Variants in HEATR4 observed in about 807,000 individuals in gnomAD.
The protein encoded by HEATR4 is HEAT repeat-containing protein 4.
A neutral mutation model predicts 108.8 loss-of-function variants in HEATR4; 95 were observed. The ratio of observed to expected loss-of-function variants is 0.87; its 90% CI spans 0.74 to 1.04. The LOEUF is 1.04. Among genes scored for constraint, HEATR4 ranks in the 50% least tolerant of loss-of-function variants. HEATR4 has a pLI of 0.00. For synonymous variants in HEATR4, 443 were observed against 459.4 expected (o/e 0.96, Z 0.46); for missense variants, 1,152 against 1,253.8 (o/e 0.92, Z 1.23).
the HEATR4 span, among the ~76,000 whole-genome samples, chr14:73,588,231 C>G: frequency 6.6e-6 from 1 of 152,100 alleles, no homozygotes; most frequent in African/African-American, 2.4e-5. Context: ...AACTCCTGAC[C>G]TCAAGTGATC....
At chr14:73,552,602 C>T (rs1358343456) in intron 1 of HEATR4, among the ~76,000 whole-genome samples, 1 of 103,786 alleles carries the variant, frequency 9.6e-6, no homozygotes, top group African/African-American at 3.9e-5. Flanking sequence ...TTTTGAGACC[C>T]TACCAGCCCC....
chr14:73,519,219 C>T, intron 4 of HEATR4, 56 bp from the exon 5 acceptor site: 3 of 1,541,542 alleles, frequency 1.9e-6, no homozygotes, highest in Non-Finnish European at 1.8e-6. Context: ...TTCCTTTCTC[C>T]CTGGGTTCCT....
intron 2 of HEATR4, among the ~76,000 whole-genome samples, chr14:73,529,830 A>G (rs1264979799): frequency 4.4e-4 from 67 of 151,464 alleles, no homozygotes; most frequent in Admixed American, 3.3e-3. Flanking sequence ...AAGCCTTAGT[A>G]TCAGTATCTT....
rs1363921366 is a variant in HEATR4, at chr14:73,555,194, TA to T, written c.-152+3556del. ...CAAGCCAACTCAGCCTCAATAAGAC[TA>T]CCTCAAGGCATATAATAATCAAACT... On this transcript the variant is annotated intron_variant, in intron 1 of 17. Transcript: ENST00000553558. Among the ~76,000 whole-genome samples, 2 of 112,142 alleles carry T rather than the reference TA, an allele frequency of 1.8e-5. 1 individual carries two copies. Among genetic ancestry groups the T allele is most frequent in the African/African-American group, 5.8e-5 (2 of 34,728 alleles). 73.6% of individuals were successfully genotyped at this position (112,142 alleles called of 152,430 possible). A position where few individuals can be genotyped will look rare whatever the true frequency, so the allele number is the denominator to read the frequency against.
the HEATR4 span, among the ~76,000 whole-genome samples, chr14:73,615,355 C>A: frequency 7.2e-6 from 1 of 138,434 alleles, no homozygotes; most frequent in African/African-American, 2.8e-5. Flanking sequence ...CCACATCACT[C>A]CAGCCTGGGC....
At chr14:73,633,599 G>A in the HEATR4 span, 1 of 152,236 alleles carries the variant, frequency 6.6e-6, no homozygotes, top group Non-Finnish European at 1.5e-5. Context: ...ATCAGGCTTA[G>A]GGAATATTGA....
At chr14:73,489,552 C>T (rs1294413595) in intron 17 of HEATR4, among the ~76,000 whole-genome samples, 1 of 152,162 alleles carries the variant, frequency 6.6e-6, no homozygotes, top group African/African-American at 2.4e-5. Flanking sequence ...CTTTTTGACC[C>T]AGCACTTTTA....
chr14:73,496,037 C>T (rs1249239610), intron 15 of HEATR4, among the ~76,000 whole-genome samples: 5 of 151,540 alleles, frequency 3.3e-5, no homozygotes, highest in East Asian at 2.0e-4. Flanking sequence ...GGCTGAGGCA[C>T]GAGAATCACT....
chr14:73,608,310 T>C, the HEATR4 span, among the ~76,000 whole-genome samples: 1 of 152,234 alleles, frequency 6.6e-6, no homozygotes, highest in Non-Finnish European at 1.5e-5. Flanking sequence ...GCTGCTTACA[T>C]ATTTCTTCTG....
intron 17 of HEATR4, among the ~76,000 whole-genome samples, chr14:73,479,277 AG>A (rs1885147117): frequency 6.8e-6 from 1 of 147,404 alleles, no homozygotes; most frequent in East Asian, 2.0e-4. Flanking sequence ...CACCACGCCC[AG>A]CTAATTTTTT....
At chr14:73,616,847 A>G in the HEATR4 span, 7 of 572,668 alleles carry the variant, frequency 1.2e-5, no homozygotes, top group Non-Finnish European at 2.2e-5. Context: ...ATCCCTCTAT[A>G]TTATCATTAT....
intron 10 of HEATR4, among the ~76,000 whole-genome samples, chr14:73,505,890 CTTT>C (rs139879719): frequency 2.6e-5 from 3 of 113,312 alleles, no homozygotes; most frequent in Non-Finnish European, 3.5e-5. Context: ...ATAAACGTTT[CTTT>C]TTTTTTTTTT....
the HEATR4 span, chr14:73,619,823 A>G: frequency 6.2e-7 from 1 of 1,602,532 alleles, no homozygotes; most frequent in South Asian, 1.1e-5. Flanking sequence ...AAATCTGTCA[A>G]GCACAGCAAA....
the HEATR4 span, among the ~76,000 whole-genome samples, chr14:73,597,591 CTTTT>C: frequency 9.2e-5 from 9 of 98,206 alleles, no homozygotes; most frequent in Non-Finnish European, 1.4e-4. Flanking sequence ...TTTTTCTTTT[CTTTT>C]TTTTTTTTTT....
chr14:73,593,336 C>CTT, the HEATR4 span, among the ~76,000 whole-genome samples: 1,182 of 104,780 alleles, frequency 0.011, 47 homozygotes, highest in South Asian at 0.018. Flanking sequence ...TTCTTTCTTT[C>CTT]TTTTTTTTTT....
chr14:73,627,096 C>G, the HEATR4 span, among the ~76,000 whole-genome samples: 1 of 151,500 alleles, frequency 6.6e-6, no homozygotes, highest in Non-Finnish European at 1.5e-5. Context: ...CCAGCCAAAA[C>G]AGCCTTTTAT....
chr14:73,501,569 C>CTTTTTT (rs1204245183), intron 11 of HEATR4, among the ~76,000 whole-genome samples: 8 of 108,150 alleles, frequency 7.4e-5, no homozygotes, highest in African/African-American at 1.1e-4. Flanking sequence ...GTCTCTCTCT[C>CTTTTTT]TTTTTTTTTT....
intron 10 of HEATR4, among the ~76,000 whole-genome samples, chr14:73,505,665 T>C (rs551570955): frequency 6.6e-6 from 1 of 152,138 alleles, no homozygotes; most frequent in South Asian, 2.1e-4. Flanking sequence ...AGTGCTGGCA[T>C]TACAGGTGTG....
Position 73,496,695 on chromosome 14 carries a change from G to C in HEATR4, c.2547-16C>G. The stretch of plus-strand genomic sequence containing the variant: ...GTACATTTCTCTGAAAGATAAGAAG[G>C]GCTTCTTAGATTATTCTACCCTGCC... On this transcript the variant is annotated splice_polypyrimidine_tract_variant and intron_variant, in intron 14 of 17. Transcript: ENST00000553558. The C allele has an allele frequency of 5.8e-6, 8 of 1,377,792 alleles. No individual in the cohort carries two copies. The highest frequency in any genetic ancestry group is 7.2e-6 in the Non-Finnish European group (7 of 966,444). The allele number at this position is 1,377,792 out of a possible 1,614,324, so 85.3% of individuals were successfully genotyped here. A position where few individuals can be genotyped will look rare whatever the true frequency, so the allele number is the denominator to read the frequency against.
Sources: allele counts gnomAD v4.1 joint callset (sites outside exome capture counted in the v4.1 genomes callset), GRCh38; gene constraint gnomAD v4.1.1; transcripts MANE v1.5; gene names NCBI Gene and HGNC (gene_info 2026-07-23, HGNC 2026-07-21).